POLR1A: variants seen among roughly 807,000 people sequenced by gnomAD.
The protein encoded by POLR1A is RNA polymerase I subunit A.
Under a neutral mutation model 205.3 loss-of-function variants are expected in POLR1A, and 84 were observed. The ratio of observed to expected loss-of-function variants is 0.41; its 90% CI spans 0.34 to 0.49. POLR1A has a LOEUF of 0.49. Among genes scored for constraint, POLR1A ranks in the 20% least tolerant of loss-of-function variants. The pLI is 0.22. For synonymous variants in POLR1A, 799 were observed against 863.7 expected, an observed-to-expected ratio of 0.93 and a Z score of 1.31; for missense variants, 1,645 against 2,204.5, an observed-to-expected ratio of 0.75 and a Z score of 5.08.
At chr2:86,038,678 C>T in intron 27 of POLR1A, 22 bp downstream of exon 27, 1 of 1,611,158 alleles carries the variant, frequency 6.2e-7, no homozygotes, top group Non-Finnish European at 8.5e-7. Context: ...AGGTCAATGA[C>T]AATCACAGCC....
chr2:86,049,233 T>C lies in POLR1A; in HGVS notation c.2402A>G (p.Asp801Gly). ...ATCTGCCTTTGGCTTCACCAAAATG[T>C]CTTCCACGCCTGTGAAGTGAAACAG... ...LYRGFTLGVE[D>G]ILVKPKADVK... Residue 801 changes from aspartate (D) to glycine (G), a missense_variant, in exon 17 of 34, where the codon GAC becomes GGC. Around this residue, in one of 16 missense-constraint regions of POLR1A, gnomAD observed 339 missense variants for 415.1 expected, o/e 0.82. Coordinates refer to ENST00000263857, the MANE Select transcript of POLR1A (RefSeq NM_015425.6). The C allele has an allele frequency of 1.2e-6, 2 of 1,613,446 alleles. No individual in the cohort carries two copies. The highest frequency in any genetic ancestry group is 1.7e-6 in the Non-Finnish European group (2 of 1,179,380).
At chr2:86,044,001 G>T in intron 22 of POLR1A, 138 bp downstream of exon 22, 2 of 717,440 alleles carry the variant, frequency 2.8e-6, no homozygotes, top group South Asian at 1.8e-5. Flanking sequence ...GCACTGACCG[G>T]TGTCTTATAA....
In POLR1A at chr2:86,027,447, G is replaced by C. The variant is rs752279650; in HGVS notation, c.5139C>G (p.Phe1713Leu). The C allele has an allele frequency of 2.5e-6, 4 of 1,613,988 alleles. No individual in the cohort carries two copies. The highest frequency in any genetic ancestry group is 3.4e-6 in the Non-Finnish European group (4 of 1,179,992). The part of the protein sequence containing the change: ...GKVVRGGTGL[F>L]ELKQPLR ...GCTATCTCAGAGGCTGCTTGAGCTCGAACAGGCCTGTCCCGCCCCTGACGA... is the reference window on the plus strand; with the variant it reads ...GCTATCTCAGAGGCTGCTTGAGCTCCAACAGGCCTGTCCCGCCCCTGACGA... The change falls in exon 34 of 34, where the codon TTC becomes TTG. Residue 1713 changes from phenylalanine (F) to leucine (L), a missense_variant. By Grantham distance (22) the Phe-to-Leu change is conservative. This residue lies in a region of POLR1A where 86 missense variants were observed against 149.8 expected (regional missense o/e 0.57). Coordinates refer to ENST00000263857, the MANE Select transcript of POLR1A (RefSeq NM_015425.6).
intron 11 of POLR1A, among the ~76,000 whole-genome samples, chr2:86,076,949 C>T (rs1404442345): frequency 6.6e-6 from 1 of 152,168 alleles, no homozygotes; most frequent in African/African-American, 2.4e-5. Context: ...ACTATGGTTC[C>T]CAAGAGGCAG....
chr2:86,080,974 G>A lies in POLR1A; in HGVS notation c.928C>T (p.Arg310Cys). 4 of 1,610,868 alleles carry A rather than the reference G, an allele frequency of 2.5e-6. No homozygotes were observed. Among genetic ancestry groups the A allele is most frequent in the Non-Finnish European group, 3.4e-6 (4 of 1,178,284 alleles). The change falls in exon 9 of 34, where the codon CGC becomes TGC. Residue 310 changes from arginine (R) to cysteine (C), a missense_variant. Arg to Cys is a radical substitution (Grantham distance 180). This residue lies in a region of POLR1A where 9 missense variants were observed against 30.0 expected (regional missense o/e 0.30). Transcript: ENST00000263857. The stretch of plus-strand genomic sequence containing the variant: ...TGGTCTCCTAGGCGACTGACTGGGC[G>A]ATACCTGCAGGGGGACATACGGAAT... ...DFLVVPPSRY[R>C]PVSRLGDQMF...
In POLR1A at chr2:86,033,672, C is replaced by A. The variant is rs1672438608; in HGVS notation, c.4150G>T (p.Gly1384Trp). The A allele has an allele frequency of 6.2e-7, 1 of 1,613,498 alleles. No individual in the cohort carries two copies. The highest frequency in any genetic ancestry group is 8.5e-7 in the Non-Finnish European group (1 of 1,179,934). ...GGGGACTCACTCACCCGACTCCTCC[C>A]CAACTCCCCAGCGTTGTCCAGATCC... Reference protein sequence around the residue: ...QRDLDNAGELGRSRGEQEGDE... With the variant: ...QRDLDNAGELWRSRGEQEGDE... Residue 1384 changes from glycine to tryptophan, a missense_variant, in exon 28 of 34, where the codon GGG becomes TGG. Coordinates refer to ENST00000263857, the MANE Select transcript of POLR1A (RefSeq NM_015425.6).
At position 86,027,246 on chromosome 2, in the gene POLR1A, G is replaced by A; in HGVS notation, c.*177C>T. ...TGAGCAACTCTGTCACTTTCCAGGT[G>A]AAGCTGGCCCAGCTCAGAGGCCCAC... On this transcript the variant is annotated 3_prime_UTR_variant, in exon 34 of 34. Transcript: ENST00000263857. 1 of 611,888 alleles carries A rather than the reference G, an allele frequency of 1.6e-6. No homozygotes were observed. The highest frequency in any genetic ancestry group is 1.9e-5 in the South Asian group (1 of 52,122). 37.9% of individuals were successfully genotyped at this position (611,888 alleles called of 1,614,324 possible). A position where few individuals can be genotyped will look rare whatever the true frequency, so the allele number is the denominator to read the frequency against.
intron 14 of POLR1A, among the ~76,000 whole-genome samples, chr2:86,060,429 GTAGACTTTTACTA>G (rs571979716): frequency 1.3e-5 from 2 of 152,118 alleles, no homozygotes; most frequent in Admixed American, 6.5e-5. Flanking sequence ...GAACAAAGCT[GTAGACTTTTACTA>G]TCAGAAGTCA....
In POLR1A at chr2:86,042,122, C is replaced by T. The variant is rs1672622303; in HGVS notation, c.3358-19G>A. On this transcript the variant is annotated intron_variant, in intron 23 of 33. Transcript: ENST00000263857. ...TCAGCATCTGAACAGAAGGATGGGT[C>T]TCAGCTATGTGGGAGGGATACCCAG... 2 of 1,570,298 alleles carry T rather than the reference C, an allele frequency of 1.3e-6. No individual in the cohort carries two copies. Among genetic ancestry groups the T allele is most frequent in the African/African-American group, 2.7e-5 (2 of 73,992 alleles).
chr2:86,065,539 C>A lies in POLR1A; in HGVS notation c.1867-74G>T, dbSNP rs1208202494. 1.2e-5 allele frequency: 15 copies of A among 1,269,096 alleles called. No individual in the cohort carries two copies. The East Asian group carries it at 3.5e-4, about 30-fold the overall frequency. The allele number at this position is 1,269,096 out of a possible 1,614,324, so 78.6% of individuals were successfully genotyped here. A position where few individuals can be genotyped will look rare whatever the true frequency, so the allele number is the denominator to read the frequency against. ...TCAAACTCTAATCCCTAATCGCCTG[C>A]CTGGAAGCCACTTTCTATCAAGAGC... is the stretch of plus-strand genomic sequence containing the variant. On this transcript the variant is annotated intron_variant, in intron 13 of 33. Coordinates refer to ENST00000263857, the MANE Select transcript of POLR1A (RefSeq NM_015425.6).
At chr2:86,086,111 T>C (rs894669221) in intron 6 of POLR1A, among the ~76,000 whole-genome samples, 28 of 151,562 alleles carry the variant, frequency 1.8e-4, no homozygotes, top group Non-Finnish European at 3.4e-4. Flanking sequence ...CAGGCTGGAG[T>C]GCAATGGCAC....
intron 14 of POLR1A, among the ~76,000 whole-genome samples, chr2:86,062,632 A>G (rs184584302): frequency 6.6e-6 from 1 of 151,962 alleles, no homozygotes; most frequent in Non-Finnish European, 1.5e-5. Flanking sequence ...AAATTGACTT[A>G]AAGAACTTAA....
At chr2:86,089,214 G>T (rs1673559663) in intron 4 of POLR1A, among the ~76,000 whole-genome samples, 1 of 152,236 alleles carries the variant, frequency 6.6e-6, no homozygotes, top group African/African-American at 2.4e-5. Flanking sequence ...AAGCCCTCTG[G>T]ATGCAGCTGG....
At chr2:86,069,692 T>A (rs1170337297) in intron 13 of POLR1A, among the ~76,000 whole-genome samples, 1 of 152,222 alleles carries the variant, frequency 6.6e-6, no homozygotes, top group East Asian at 1.9e-4. Flanking sequence ...GGGATGCTAA[T>A]GCTAGCCGGG....
chr2:86,052,663 G>A (rs1672823936), intron 16 of POLR1A, among the ~76,000 whole-genome samples, 154 bp downstream of exon 16: 1 of 152,242 alleles, frequency 6.6e-6, no homozygotes, highest in South Asian at 2.1e-4. Flanking sequence ...ATAAAGCGTG[G>A]TGCACTGGGG....
intron 1 of POLR1A, 90 bp from the exon 2 acceptor site, chr2:86,100,262 A>T: frequency 1.0e-6 from 1 of 955,656 alleles, no homozygotes; most frequent in South Asian, 1.4e-5. Context: ...TTAAGTGATT[A>T]TTTAATGCCT....
Position 86,075,281 on chromosome 2 carries a change from T to C in POLR1A, c.1381-21A>G, listed in dbSNP as rs191692066. On this transcript the variant is annotated intron_variant, in intron 11 of 33. Transcript: ENST00000263857. ...AACACCTGGAAATGAGGAATGGAGGTAGAAATTCAGGGCAGGGATAAAAAA... is the reference window on the plus strand; with the variant it reads ...AACACCTGGAAATGAGGAATGGAGGCAGAAATTCAGGGCAGGGATAAAAAA... The C allele has an allele frequency of 1.1e-4, 168 of 1,542,572 alleles. 1 individual carries two copies. Among genetic ancestry groups the C allele is most frequent in the Admixed American group, 4.1e-4 (23 of 55,726 alleles).
rs376895759 is a variant in POLR1A at position 86,027,879 on chromosome 2, A to G, written c.5062+6T>C. 123 of 1,614,080 alleles carry G rather than the reference A, an allele frequency of 7.6e-5. No individual in the cohort carries two copies. The highest frequency in any genetic ancestry group is 6.5e-4 in the Admixed American group (39 of 60,012). On this transcript the variant is annotated splice_donor_region_variant and intron_variant, in intron 33 of 33. Transcript: ENST00000263857. Reference sequence around the variant, plus strand: ...GGGAGGCCAGGGCTCCTGCCCACGCACTAACCCAGCATGGTGGCTTGCTTC... The same window carrying G: ...GGGAGGCCAGGGCTCCTGCCCACGCGCTAACCCAGCATGGTGGCTTGCTTC...
In POLR1A at chr2:86,021,970, C is replaced by T. The variant is rs1690149377; in HGVS notation, c.*5453G>A. The T allele has an allele frequency of 1.3e-5, 2 of 152,256 alleles. No individual in the cohort carries two copies. The highest frequency in any genetic ancestry group is 2.1e-4 in the South Asian group (1 of 4,836). The allele number at this position is 152,256 out of a possible 1,614,324, so 9.4% of individuals were successfully genotyped here. A position where few individuals can be genotyped will look rare whatever the true frequency, so the allele number is the denominator to read the frequency against. On this transcript the variant is annotated 3_prime_UTR_variant, in exon 34 of 34. Transcript: ENST00000263857. The stretch of plus-strand genomic sequence containing the variant: ...CAACCCAGGCAGTTACCCAGGTACC[C>T]TGCCGGGTAACTCAGAGTTGAGTTA...
Sources: allele counts gnomAD v4.1 joint callset (sites outside exome capture counted in the v4.1 genomes callset), GRCh38; gene constraint gnomAD v4.1.1; regional missense constraint gnomAD v4.1.1; transcripts MANE v1.5; gene names NCBI Gene and HGNC (gene_info 2026-07-23, HGNC 2026-07-21).